The following RAD51B variants were observed in gnomAD, a reference collection of about 807,000 sequenced individuals.
The protein encoded by RAD51B is DNA repair protein RAD51 homolog 2.
RAD51B carries 38 observed loss-of-function variants against 42.2 expected under a neutral mutation model. That is an observed-to-expected ratio of 0.90 (90% confidence interval 0.70 to 1.18). The LOEUF is 1.18. RAD51B is among the 50% of genes most tolerant of loss of function. The pLI is 0.00. For missense variants in RAD51B, 373 were observed against 400.7 expected, an observed-to-expected ratio of 0.93 and a Z score of 0.59; for synonymous variants, 154 against 145.2, an observed-to-expected ratio of 1.06 and a Z score of -0.43.
intron 4 of RAD51B, among the ~76,000 whole-genome samples, chr14:67,853,950 G>C (rs536155736): frequency 6.6e-6 from 1 of 152,122 alleles, no homozygotes; most frequent in Non-Finnish European, 1.5e-5. Context: ...CCAACTCTGC[G>C]GACCTGCTGA....
intron 10 of RAD51B, chr14:68,541,737 C>T (rs1364318492): frequency 1.3e-5 from 13 of 985,288 alleles, no homozygotes; most frequent in South Asian, 4.7e-5. Flanking sequence ...TTTGTAGTAA[C>T]AGCTGTTAGT....
At chr14:68,572,398 C>A (rs1387731599) in intron 10 of RAD51B, among the ~76,000 whole-genome samples, 1 of 152,238 alleles carries the variant, frequency 6.6e-6, no homozygotes, top group Non-Finnish European at 1.5e-5. Flanking sequence ...GAAACCTAAA[C>A]CTGCTTTTTA....
intron 10 of RAD51B, among the ~76,000 whole-genome samples, chr14:68,567,440 A>G (rs1472898609): frequency 2.6e-5 from 4 of 152,192 alleles, no homozygotes; most frequent in Non-Finnish European, 4.4e-5. Context: ...ATCCCACACC[A>G]GAGTGGTACA....
chr14:68,243,978 G>A (rs915615107), intron 7 of RAD51B, among the ~76,000 whole-genome samples: 1 of 152,110 alleles, frequency 6.6e-6, no homozygotes, highest in African/African-American at 2.4e-5. Flanking sequence ...TTGTTAAACT[G>A]ATGTCTTTTC....
At chr14:68,580,089 C>T (rs939849372) in intron 10 of RAD51B, among the ~76,000 whole-genome samples, 1 of 152,252 alleles carries the variant, frequency 6.6e-6, no homozygotes, top group Non-Finnish European at 1.5e-5. Context: ...TCCTCCAGAG[C>T]AGCCATCCTA....
At chr14:68,507,545 G>A (rs980607373) in intron 10 of RAD51B, among the ~76,000 whole-genome samples, 1 of 152,160 alleles carries the variant, frequency 6.6e-6, no homozygotes, top group African/African-American at 2.4e-5. Flanking sequence ...ACACCTGTAA[G>A]CGAACATTCT....
intron 10 of RAD51B, among the ~76,000 whole-genome samples, chr14:68,580,646 C>T (rs1167728241): frequency 6.6e-6 from 1 of 152,144 alleles, no homozygotes; most frequent in Non-Finnish European, 1.5e-5. Context: ...GAACCCCTGC[C>T]GTCCTAGGTG....
At chr14:68,223,533 T>G (rs1566740079) in intron 7 of RAD51B, among the ~76,000 whole-genome samples, 1 of 152,224 alleles carries the variant, frequency 6.6e-6, no homozygotes, top group Non-Finnish European at 1.5e-5. Flanking sequence ...CTTACAGGCA[T>G]GTGTAATTGT....
intron 11 of RAD51B, among the ~76,000 whole-genome samples, chr14:68,668,676 A>G (rs1312122576): frequency 6.6e-6 from 1 of 152,228 alleles, no homozygotes; most frequent in Admixed American, 6.5e-5. Flanking sequence ...ATTATGATCC[A>G]TGGCTCCCCT....
chr14:67,919,734 T>A (rs1031510394), intron 7 of RAD51B, among the ~76,000 whole-genome samples: 9 of 152,224 alleles, frequency 5.9e-5, no homozygotes, highest in Non-Finnish European at 1.0e-4. Flanking sequence ...ATCTGCCTTC[T>A]GTTATAGAAG....
chr14:68,295,601 G>A (rs112092332), intron 8 of RAD51B, among the ~76,000 whole-genome samples: 121 of 152,208 alleles, frequency 7.9e-4, no homozygotes, highest in Non-Finnish European at 1.4e-3. Context: ...CCTGCAGCTG[G>A]CAGATATTAA....
At chr14:68,146,054 G>T (rs199635644) in intron 7 of RAD51B, among the ~76,000 whole-genome samples, 2 of 133,044 alleles carry the variant, frequency 1.5e-5, no homozygotes, top group Non-Finnish European at 1.6e-5. Flanking sequence ...CAGGACTGTT[G>T]TTAAAAGGAA....
intron 8 of RAD51B, among the ~76,000 whole-genome samples, chr14:68,320,776 TC>T (rs747458750): frequency 6.0e-4 from 92 of 152,320 alleles, no homozygotes; most frequent in Non-Finnish European, 1.0e-3. Context: ...TTCCATCCCA[TC>T]ATCTGCTGTG....
intron 7 of RAD51B, among the ~76,000 whole-genome samples, chr14:67,962,563 A>G (rs943750613): frequency 1.3e-5 from 2 of 152,214 alleles, no homozygotes; most frequent in Non-Finnish European, 2.9e-5. Context: ...CACAGTTCTG[A>G]TAAAAGAAAT....
chr14:68,015,656 A>G (rs1487890523), intron 7 of RAD51B, among the ~76,000 whole-genome samples: 32 of 152,176 alleles, frequency 2.1e-4, no homozygotes, highest in African/African-American at 7.2e-5. Context: ...CCGTGATTCA[A>G]TTACCTCCCA....
chr14:68,638,741 T>A (rs1156230103), intron 10 of RAD51B, among the ~76,000 whole-genome samples: 3 of 152,076 alleles, frequency 2.0e-5, no homozygotes, highest in Non-Finnish European at 4.4e-5. Flanking sequence ...GCAGCGCAAC[T>A]GATCAGTCCC....
At chr14:68,285,992 CTT>C (rs1332757929) in intron 7 of RAD51B, among the ~76,000 whole-genome samples, 1 of 152,206 alleles carries the variant, frequency 6.6e-6, no homozygotes, top group African/African-American at 2.4e-5. Flanking sequence ...TCTGAAAAGA[CTT>C]TTATCACAAG....
chr14:68,078,157 T>C lies in RAD51B; in HGVS notation c.756+190953T>C, dbSNP rs545677543. On this transcript the variant is annotated intron_variant, in intron 7 of 10. Coordinates refer to ENST00000471583, the MANE Select transcript of RAD51B (RefSeq NM_133510.4). ...TTTCATTATCTTAAGGATATTTATA[T>C]AGTTCAATTGAGTCGCTAGGAAATA... Among the ~76,000 whole-genome samples, 5 of 152,286 alleles carry C rather than the reference T, an allele frequency of 3.3e-5. No homozygotes were observed. The East Asian group carries it at 9.6e-4, about 29-fold the overall frequency.
rs935171055 is a variant in RAD51B, at chr14:68,301,126, G to C, written c.853+9146G>C. ...GAAGGCCTTTTTAGGTTATGATGTT[G>C]ATTTTTTTTAACCATACTTCCATCT... On this transcript the variant is annotated intron_variant, in intron 8 of 10. Coordinates refer to ENST00000471583, the MANE Select transcript of RAD51B (RefSeq NM_133510.4). Among the ~76,000 whole-genome samples the C allele has an allele frequency of 5.9e-5, 9 of 152,202 alleles. No homozygotes were observed. The East Asian group carries it at 1.7e-3, about 29-fold the overall frequency.
Sources: allele counts gnomAD v4.1 joint callset (sites outside exome capture counted in the v4.1 genomes callset), GRCh38; gene constraint gnomAD v4.1.1; transcripts MANE v1.5; gene names NCBI Gene and HGNC (gene_info 2026-07-23, HGNC 2026-07-21).